Variants in RICTOR observed in about 807,000 individuals in gnomAD.
The protein encoded by RICTOR is rapamycin-insensitive companion of mTOR.
A neutral mutation model predicts 214.9 loss-of-function variants in RICTOR; 49 were observed. That is an observed-to-expected ratio of 0.23 (90% CI 0.18 to 0.29). RICTOR has a LOEUF of 0.29. Among genes scored for constraint, RICTOR ranks in the 10% least tolerant of loss-of-function variants. The probability of loss-of-function intolerance (pLI) is 1.00; values close to 1 mark genes in which losing one functional copy is unlikely to be tolerated. For missense variants in RICTOR, 1,625 were observed against 2,047.0 expected (o/e 0.79, Z 3.98); for synonymous variants, 717 against 711.3 (o/e 1.01, Z -0.13).
chr5:39,014,752 C>G (rs1754812564), intron 3 of RICTOR, among the ~76,000 whole-genome samples: 1 of 152,118 alleles, frequency 6.6e-6, no homozygotes, highest in African/African-American at 2.4e-5. Flanking sequence ...AGAAGGCAAG[C>G]ATGGGTGTGT....
Position 38,941,692 on chromosome 5 carries a change from A to G in RICTOR, c.*612T>C. ...ATCTTTATGCAAGTCTAGTAACATAAAAATAACTTATAAGTCCCGGGTTGT... is the reference window on the plus strand; with the variant it reads ...ATCTTTATGCAAGTCTAGTAACATAGAAATAACTTATAAGTCCCGGGTTGT... On this transcript the variant is annotated 3_prime_UTR_variant, in exon 38 of 38. Coordinates refer to ENST00000357387, the MANE Select transcript of RICTOR (RefSeq NM_152756.5). 1 of 232,422 alleles carries G rather than the reference A, an allele frequency of 4.3e-6. No individual in the cohort carries two copies. Among genetic ancestry groups the G allele is most frequent in the Non-Finnish European group, 8.5e-6 (1 of 117,270 alleles). 14.4% of individuals were successfully genotyped at this position (232,422 alleles called of 1,614,324 possible).
intron 9 of RICTOR, 111 bp from the exon 10 acceptor site, chr5:38,975,715 C>T: frequency 1.3e-6 from 1 of 764,836 alleles, no homozygotes; most frequent in South Asian, 1.6e-5. Context: ...TAAACATTTA[C>T]ACATAAAATT....
intron 32 of RICTOR, 51 bp from the exon 33 acceptor site, chr5:38,946,603 T>C (rs757186469): frequency 5.6e-5 from 62 of 1,101,804 alleles, no homozygotes; most frequent in Non-Finnish European, 9.7e-6. Flanking sequence ...ATAAGCCCAC[T>C]TTATGAAAAT....
At position 38,941,533 on chromosome 5, in the gene RICTOR, T is replaced by C. The variant is rs1747570900; in HGVS notation, c.*771A>G. The stretch of plus-strand genomic sequence containing the variant: ...GTCCATTGCAAATATATGCATTCTA[T>C]AAATGGGAAATATTTTTAATTAAAA... On this transcript the variant is annotated 3_prime_UTR_variant, in exon 38 of 38. Coordinates refer to ENST00000357387, the MANE Select transcript of RICTOR (RefSeq NM_152756.5). 1 of 231,262 alleles carries C rather than the reference T, an allele frequency of 4.3e-6. No homozygotes were observed. Among genetic ancestry groups the C allele is most frequent in the African/African-American group, 2.2e-5 (1 of 45,354 alleles). 14.3% of individuals were successfully genotyped at this position (231,262 alleles called of 1,614,324 possible).
intron 2 of RICTOR, among the ~76,000 whole-genome samples, chr5:39,034,951 A>G (rs1756558622): frequency 6.6e-6 from 1 of 152,238 alleles, no homozygotes; most frequent in Non-Finnish European, 1.5e-5. Context: ...CCTATCTGAC[A>G]GCTTTGAAGA....
intron 2 of RICTOR, among the ~76,000 whole-genome samples, chr5:39,059,487 T>C (rs1292883299): frequency 6.6e-6 from 1 of 152,148 alleles, no homozygotes; most frequent in Non-Finnish European, 1.5e-5. Context: ...TGTACATTTA[T>C]AACAAAGACT....
At chr5:39,027,718 C>T (rs1755942498) in intron 2 of RICTOR, among the ~76,000 whole-genome samples, 1 of 152,084 alleles carries the variant, frequency 6.6e-6, no homozygotes, top group African/African-American at 2.4e-5. Flanking sequence ...CACTTCCATC[C>T]CGCAGAAGCA....
intron 7 of RICTOR, among the ~76,000 whole-genome samples, chr5:38,990,576 T>TATATAC (rs1491289561): frequency 7.4e-6 from 1 of 134,640 alleles, no homozygotes; most frequent in African/African-American, 2.8e-5. Flanking sequence ...ACGATATATA[T>TATATAC]GATATATACA....
intron 2 of RICTOR, among the ~76,000 whole-genome samples, chr5:39,026,910 A>G (rs1179785282): frequency 6.6e-6 from 1 of 152,066 alleles, no homozygotes; most frequent in Non-Finnish European, 1.5e-5. Context: ...CAGGAGGCTG[A>G]GGCAGGAGAA....
intron 29 of RICTOR, 135 bp from the exon 30 acceptor site, chr5:38,952,560 A>T (rs1748887536): frequency 1.7e-6 from 1 of 571,594 alleles, no homozygotes. Context: ...GTGGAAAAAA[A>T]AAAACTTATT....
At chr5:38,946,409 T>TA in intron 33 of RICTOR, 59 bp downstream of exon 33, 1 of 1,074,076 alleles carries the variant, frequency 9.3e-7, no homozygotes, top group African/African-American at 1.6e-5. Flanking sequence ...TAGAAAGAAC[T>TA]AAGAGTTTTC....
chr5:38,960,055 C>G (rs1749657627), intron 20 of RICTOR, 77 bp from the exon 21 acceptor site: 1 of 984,614 alleles, frequency 1.0e-6, no homozygotes, highest in African/African-American at 1.6e-5. Context: ...CAATCAAGTA[C>G]AAAAACTTAC....
chr5:39,048,116 G>A (rs1400001234), intron 2 of RICTOR, among the ~76,000 whole-genome samples: 2 of 152,186 alleles, frequency 1.3e-5, no homozygotes, highest in Non-Finnish European at 2.9e-5. Context: ...GGCTACCAAA[G>A]TGTAGCTGTG....
intron 37 of RICTOR, among the ~76,000 whole-genome samples, 192 bp from the exon 38 acceptor site, chr5:38,942,570 C>T (rs1273435782): frequency 6.6e-6 from 1 of 150,760 alleles, no homozygotes; most frequent in Non-Finnish European, 1.5e-5. Flanking sequence ...CCCACCTCAG[C>T]CTCCCAAGTA....
intron 9 of RICTOR, among the ~76,000 whole-genome samples, chr5:38,976,307 AC>A (rs931680513): frequency 5.4e-5 from 1 of 18,400 alleles, no homozygotes; most frequent in Non-Finnish European, 1.9e-4. Flanking sequence ...TTCCTGTGCC[AC>A]CTTTTTTTTT....
rs371827858 is a variant in RICTOR, at chr5:38,990,720, T to G, written c.583+229A>C. On this transcript the variant is annotated intron_variant, in intron 7 of 37. Coordinates refer to ENST00000357387, the MANE Select transcript of RICTOR (RefSeq NM_152756.5). ...TATATATCAGATATGATATATATGA[T>G]ATATATCATATATATGATATATATG... Among the ~76,000 whole-genome samples, 20 of 66,680 alleles carry G rather than the reference T, an allele frequency of 3.0e-4. 1 individual carries two copies. Among genetic ancestry groups the G allele is most frequent in the African/African-American group, 6.5e-4 (15 of 23,096 alleles). 43.7% of individuals were successfully genotyped at this position (66,680 alleles called of 152,430 possible).
At position 38,960,550 on chromosome 5, in the gene RICTOR, AG is replaced by A. The variant is rs750949122; in HGVS notation, c.1716-18del. On this transcript the variant is annotated intron_variant, in intron 19 of 37. Transcript: ENST00000357387. The stretch of plus-strand genomic sequence containing the variant: ...CGTACAAACCTAAAATCAAAACACA[AG>A]TAGCAAAAAGGTAAGAAATGAAGCA... 2 of 1,609,862 alleles carry A rather than the reference AG, an allele frequency of 1.2e-6. No individual in the cohort carries two copies. Among genetic ancestry groups the A allele is most frequent in the Non-Finnish European group, 1.7e-6 (2 of 1,177,088 alleles).
chr5:39,011,901 A>G (rs1754549394), intron 3 of RICTOR, among the ~76,000 whole-genome samples: 1 of 151,996 alleles, frequency 6.6e-6, no homozygotes, highest in Non-Finnish European at 1.5e-5. Context: ...GAAACTTTGG[A>G]CTTGGACTTT....
intron 8 of RICTOR, among the ~76,000 whole-genome samples, chr5:38,979,149 T>C (rs537033549): frequency 6.6e-6 from 1 of 152,320 alleles, no homozygotes; most frequent in East Asian, 1.9e-4. Context: ...AATAACTCAT[T>C]ACTTTAGTAC....
Sources: gnomAD v4.1 joint callset for allele counts (sites outside exome capture counted in the v4.1 genomes callset) on GRCh38, gnomAD v4.1.1 for gene constraint, MANE v1.5 for transcripts, NCBI Gene and HGNC (gene_info 2026-07-23, HGNC 2026-07-21) for gene names.